The following ZNF503 variants were observed in gnomAD, a reference collection of about 807,000 sequenced individuals.
ZNF503 encodes the protein NocA-like zinc finger 2.
In ZNF503, 15 loss-of-function variants were observed where a neutral mutation model predicts 34.4. That is an observed-to-expected ratio of 0.44 (90% CI 0.29 to 0.67). The LOEUF is 0.67. Ranked by LOEUF, ZNF503 falls within the 30% of genes least tolerant of loss-of-function variation. The pLI is 0.13. For missense variants in ZNF503, 1,007 were observed against 926.8 expected, an observed-to-expected ratio of 1.09 and a Z score of -1.12; for synonymous variants, 580 against 456.8, an observed-to-expected ratio of 1.27 and a Z score of -3.44.
chr10:75,296,474 G>A, the ZNF503 span: 1 of 146,258 alleles, frequency 6.8e-6, no homozygotes, highest in East Asian at 2.0e-4. Flanking sequence ...ACTCTTTCTG[G>A]GCCAAGTAGA....
chr10:75,298,378 A>C, the ZNF503 span, among the ~76,000 whole-genome samples: 1 of 152,184 alleles, frequency 6.6e-6, no homozygotes. Context: ...AGTCCTGGAA[A>C]TCACTACTCT....
chr10:75,357,117 C>CT, the ZNF503 span, among the ~76,000 whole-genome samples: 18 of 147,942 alleles, frequency 1.2e-4, no homozygotes, highest in Admixed American at 2.0e-4. Flanking sequence ...CCTCTAACCC[C>CT]TTTTTTTTTT....
chr10:75,306,591 G>A, the ZNF503 span, among the ~76,000 whole-genome samples: 232 of 151,946 alleles, frequency 1.5e-3, no homozygotes, highest in Non-Finnish European at 2.5e-3. Flanking sequence ...ATTTTATTGC[G>A]CTTTGTTTTA....
At chr10:75,361,899 G>T in the ZNF503 span, among the ~76,000 whole-genome samples, 1 of 152,180 alleles carries the variant, frequency 6.6e-6, no homozygotes, top group East Asian at 1.9e-4. Flanking sequence ...TCCTGGGAAG[G>T]AAGAGCCCCT....
At chr10:75,300,243 C>CG in the ZNF503 span, among the ~76,000 whole-genome samples, 2 of 152,176 alleles carry the variant, frequency 1.3e-5, no homozygotes, top group African/African-American at 4.8e-5. Flanking sequence ...GGCTGTGTTC[C>CG]GCCTGGCTCA....
the ZNF503 span, among the ~76,000 whole-genome samples, chr10:75,356,278 G>A: frequency 6.9e-3 from 1,050 of 152,152 alleles, 28 homozygotes; most frequent in East Asian, 0.06. Flanking sequence ...GTGCAGTGGC[G>A]CAATCTCAGC....
At chr10:75,316,213 A>G in the ZNF503 span, among the ~76,000 whole-genome samples, 1 of 152,210 alleles carries the variant, frequency 6.6e-6, no homozygotes, top group Admixed American at 6.5e-5. Context: ...CACACTTTAG[A>G]CCAGATCAAC....
At chr10:75,305,312 G>A in the ZNF503 span, among the ~76,000 whole-genome samples, 1 of 152,088 alleles carries the variant, frequency 6.6e-6, no homozygotes, top group East Asian at 1.9e-4. Context: ...TATGGAATAA[G>A]AAGGCCTCTA....
the ZNF503 span, among the ~76,000 whole-genome samples, chr10:75,334,264 AATTG>A: frequency 3.3e-5 from 5 of 152,118 alleles, no homozygotes; most frequent in Admixed American, 3.3e-4. Context: ...TAAATTTTTC[AATTG>A]ATTATTTTTA....
chr10:75,285,394 C>G, the ZNF503 span, among the ~76,000 whole-genome samples: 1 of 152,226 alleles, frequency 6.6e-6, no homozygotes, highest in South Asian at 2.1e-4. Flanking sequence ...ACATTGGTGC[C>G]TTGGTCTGCT....
the ZNF503 span, among the ~76,000 whole-genome samples, chr10:75,353,473 C>T: frequency 1.3e-5 from 2 of 152,222 alleles, no homozygotes; most frequent in South Asian, 2.1e-4. Flanking sequence ...GGCCAGGACC[C>T]TCAGGGCAGC....
Position 75,399,577 on chromosome 10 carries a change from C to T in ZNF503, c.1113G>A (p.Pro371=), listed in dbSNP as rs944050202. The T allele has an allele frequency of 9.4e-6, 15 of 1,596,388 alleles. No homozygotes were observed. Among genetic ancestry groups the T allele is most frequent in the Non-Finnish European group, 1.3e-5 (15 of 1,179,074 alleles). Residue 371 remains proline, a synonymous_variant, in exon 2 of 2, where the codon CCG becomes CCA. Coordinates refer to ENST00000372524, the MANE Select transcript of ZNF503 (RefSeq NM_032772.6). The stretch of plus-strand genomic sequence containing the variant: ...CCACGCCGTGTGGCAGGAACTGGGG[C>T]GGGTAGCCGGCGTAGGCCCCGGCCA... ...GSLAGAYAGY[P]PQFLPHGVAL... is the part of the protein sequence containing the mutation.
the ZNF503 span, among the ~76,000 whole-genome samples, chr10:75,292,948 C>G: frequency 2.6e-5 from 4 of 152,048 alleles, no homozygotes; most frequent in African/African-American, 9.7e-5. Context: ...GCCCCAGCCC[C>G]GAGCCCTATG....
chr10:75,331,173 T>C, the ZNF503 span, among the ~76,000 whole-genome samples: 1 of 152,270 alleles, frequency 6.6e-6, no homozygotes, highest in Admixed American at 6.5e-5. Flanking sequence ...ACACTTGATA[T>C]GATTTCAATT....
At chr10:75,345,649 AAAAG>A in the ZNF503 span, among the ~76,000 whole-genome samples, 51 of 150,784 alleles carry the variant, frequency 3.4e-4, no homozygotes, top group Admixed American at 1.5e-3. Flanking sequence ...AAAAAAAAAA[AAAAG>A]AAAAGAAAAG....
At chr10:75,335,140 T>G in the ZNF503 span, among the ~76,000 whole-genome samples, 3 of 152,248 alleles carry the variant, frequency 2.0e-5, no homozygotes, top group African/African-American at 7.2e-5. Flanking sequence ...TTTTCATATC[T>G]CTAAAATGTG....
chr10:75,399,356 G>A lies in ZNF503; in HGVS notation c.1334C>T (p.Ala445Val), dbSNP rs1274322918. 3 of 1,604,218 alleles carry A rather than the reference G, an allele frequency of 1.9e-6. No individual in the cohort carries two copies. Among genetic ancestry groups the A allele is most frequent in the African/African-American group, 2.7e-5 (2 of 74,818 alleles). ...YHCASHLAGA[A>V]AASASCAHDP... ...ATGTGCGCAAGAAGCGCTGGCGGCCGCCGCCCCTGCCAGGTGGCTAGCGCA... is the reference window on the plus strand; with the variant it reads ...ATGTGCGCAAGAAGCGCTGGCGGCCACCGCCCCTGCCAGGTGGCTAGCGCA... Residue 445 changes from alanine (A) to valine (V), a missense_variant, in exon 2 of 2, where the codon GCG becomes GTG. Coordinates refer to ENST00000372524, the MANE Select transcript of ZNF503 (RefSeq NM_032772.6).
the ZNF503 span, among the ~76,000 whole-genome samples, chr10:75,367,234 T>C: frequency 3.3e-5 from 5 of 152,194 alleles, no homozygotes; most frequent in South Asian, 6.2e-4. Context: ...CCAGAAAATC[T>C]TGTAGCCTGT....
chr10:75,370,060 A>AAATT, the ZNF503 span, among the ~76,000 whole-genome samples: 1 of 39,206 alleles, frequency 2.6e-5, no homozygotes, highest in East Asian at 7.6e-4. Flanking sequence ...CTACATGTCA[A>AAATT]AATAAATAAA....
Sources: allele counts gnomAD v4.1 joint callset (sites outside exome capture counted in the v4.1 genomes callset), GRCh38; gene constraint gnomAD v4.1.1; transcripts MANE v1.5; gene names NCBI Gene and HGNC (gene_info 2026-07-23, HGNC 2026-07-21).